Variants in NKAIN2 observed in about 807,000 individuals in gnomAD.
NKAIN2 encodes the protein sodium/potassium transporting ATPase interacting 2.
NKAIN2 carries 14 observed loss-of-function variants against 32.6 expected under a neutral mutation model. The observed-to-expected ratio is 0.43, with a 90% confidence interval of 0.28 to 0.67. The LOEUF is 0.67. Ranked by LOEUF, NKAIN2 falls within the 30% of genes least tolerant of loss-of-function variation. The probability of loss-of-function intolerance (pLI) is 0.17; values close to 1 mark genes in which losing one functional copy is unlikely to be tolerated. For missense variants in NKAIN2, 198 were observed against 258.3 expected, an observed-to-expected ratio of 0.77 and a Z score of 1.60; for synonymous variants, 80 against 87.2, an observed-to-expected ratio of 0.92 and a Z score of 0.46.
intron 3 of NKAIN2, among the ~76,000 whole-genome samples, chr6:124,584,038 T>G (rs1280816409): frequency 6.6e-6 from 1 of 152,118 alleles, no homozygotes; most frequent in African/African-American, 2.4e-5. Context: ...ACTATGAAAC[T>G]ACTAAAATAA....
chr6:124,809,313 C>T (rs1039100261), intron 5 of NKAIN2, among the ~76,000 whole-genome samples: 5 of 150,314 alleles, frequency 3.3e-5, no homozygotes, highest in Non-Finnish European at 7.4e-5. Flanking sequence ...GAACAGAGCC[C>T]TCAGAAATAA....
At chr6:123,901,648 A>G (rs538236893) in intron 1 of NKAIN2, among the ~76,000 whole-genome samples, 45 of 152,280 alleles carry the variant, frequency 3.0e-4, no homozygotes, top group Admixed American at 8.5e-4. Flanking sequence ...ATTTTTCTGC[A>G]AAGAAAGTGA....
At chr6:124,624,368 T>G (rs1783222743) in intron 3 of NKAIN2, among the ~76,000 whole-genome samples, 1 of 152,120 alleles carries the variant, frequency 6.6e-6, no homozygotes, top group South Asian at 2.1e-4. Context: ...ATTGGGAACC[T>G]CCATCAGGTT....
At chr6:123,952,810 T>C (rs1401187892) in intron 1 of NKAIN2, among the ~76,000 whole-genome samples, 1 of 152,192 alleles carries the variant, frequency 6.6e-6, no homozygotes, top group African/African-American at 2.4e-5. Context: ...TTTTTTGTAT[T>C]GTTCTCTGAT....
chr6:124,331,516 G>A (rs1253751996), intron 2 of NKAIN2, among the ~76,000 whole-genome samples: 6 of 138,524 alleles, frequency 4.3e-5, no homozygotes, highest in East Asian at 2.1e-4. Context: ...GTGACAGAGC[G>A]AGACTCCGTC....
At chr6:124,353,658 G>A (rs1415235976) in intron 2 of NKAIN2, among the ~76,000 whole-genome samples, 2 of 152,148 alleles carry the variant, frequency 1.3e-5, no homozygotes, top group Non-Finnish European at 2.9e-5. Context: ...GGGAGGCTGA[G>A]GCAGGAGAAT....
chr6:123,806,609 A>G (rs945125056), intron 1 of NKAIN2, among the ~76,000 whole-genome samples: 27 of 152,204 alleles, frequency 1.8e-4, no homozygotes, highest in African/African-American at 5.5e-4. Context: ...TCTTTGCGCT[A>G]TTATGAGTAG....
chr6:124,293,011 G>A (rs1488974728), intron 2 of NKAIN2, among the ~76,000 whole-genome samples: 1 of 152,000 alleles, frequency 6.6e-6, no homozygotes, highest in African/African-American at 2.4e-5. Context: ...CTTTCCTTGT[G>A]CATTAGGTTG....
chr6:123,997,864 A>G (rs908035132), intron 1 of NKAIN2, among the ~76,000 whole-genome samples: 8 of 152,006 alleles, frequency 5.3e-5, no homozygotes, highest in African/African-American at 1.4e-4. Context: ...CGGCCTCCCA[A>G]AGTGCTGGGA....
intron 3 of NKAIN2, among the ~76,000 whole-genome samples, chr6:124,423,492 T>G (rs994295121): frequency 1.3e-5 from 2 of 152,092 alleles, no homozygotes; most frequent in African/African-American, 4.8e-5. Context: ...ACCCAAAAGG[T>G]GATGTTAATT....
chr6:124,087,167 G>T (rs1220483161), intron 1 of NKAIN2, among the ~76,000 whole-genome samples: 1 of 151,840 alleles, frequency 6.6e-6, no homozygotes, highest in Non-Finnish European at 1.5e-5. Context: ...ATTAAATGAA[G>T]AAATATCATT....
chr6:124,065,467 G>A (rs1272589438), intron 1 of NKAIN2, among the ~76,000 whole-genome samples: 1 of 152,080 alleles, frequency 6.6e-6, no homozygotes, highest in Non-Finnish European at 1.5e-5. Flanking sequence ...TCACTCATGG[G>A]ACAGAGCCCT....
chr6:124,238,620 T>C (rs563011185), intron 1 of NKAIN2, among the ~76,000 whole-genome samples: 20 of 152,218 alleles, frequency 1.3e-4, no homozygotes, highest in African/African-American at 3.4e-4. Context: ...ATTTCTGCAT[T>C]TGCAGCTAAG....
intron 1 of NKAIN2, among the ~76,000 whole-genome samples, chr6:123,851,244 ATTT>A (rs59287833): frequency 2.7e-4 from 24 of 88,188 alleles, no homozygotes; most frequent in Non-Finnish European, 3.6e-4. Flanking sequence ...TGGTGGTTCT[ATTT>A]TTTTTTTTTT....
chr6:123,990,012 G>A (rs1284072443), intron 1 of NKAIN2, among the ~76,000 whole-genome samples: 1 of 152,154 alleles, frequency 6.6e-6, no homozygotes, highest in African/African-American at 2.4e-5. Flanking sequence ...GAGGCCTCAG[G>A]AAACTTACAA....
chr6:124,093,172 A>G (rs1784504888), intron 1 of NKAIN2, among the ~76,000 whole-genome samples: 1 of 152,116 alleles, frequency 6.6e-6, no homozygotes, highest in African/African-American at 2.4e-5. Context: ...GATTTGGTGT[A>G]TATATCTATG....
At chr6:124,656,393 C>T (rs1200247476) in intron 3 of NKAIN2, among the ~76,000 whole-genome samples, 5 of 151,388 alleles carry the variant, frequency 3.3e-5, no homozygotes, top group Admixed American at 6.6e-5. Flanking sequence ...TGTTTCACTT[C>T]GATCTTTACT....
intron 1 of NKAIN2, among the ~76,000 whole-genome samples, chr6:123,898,889 TA>T (rs1774418958): frequency 6.6e-6 from 1 of 152,184 alleles, no homozygotes; most frequent in South Asian, 2.1e-4. Context: ...CTTCCCCTGT[TA>T]GCCTCTCTGC....
chr6:124,665,433 A>G (rs1324517144), intron 4 of NKAIN2, among the ~76,000 whole-genome samples: 1 of 152,218 alleles, frequency 6.6e-6, no homozygotes, highest in Non-Finnish European at 1.5e-5. Flanking sequence ...CCAAATGTAC[A>G]TAGTTTTCAA....
Sources: gnomAD v4.1 joint callset for allele counts (sites outside exome capture counted in the v4.1 genomes callset) on GRCh38, gnomAD v4.1.1 for gene constraint, MANE v1.5 for transcripts, NCBI Gene and HGNC (gene_info 2026-07-23, HGNC 2026-07-21) for gene names.